TPRG1: variants seen among roughly 807,000 people sequenced by gnomAD.
TPRG1 encodes tumor protein p63 regulated 1, also known as tumor protein p63-regulated gene 1 protein.
TPRG1 carries 29 observed loss-of-function variants against 29.3 expected under a neutral mutation model. The ratio of observed to expected loss-of-function variants is 0.99; its 90% CI spans 0.74 to 1.35. The LOEUF is 1.35. TPRG1 is among the 40% of genes most tolerant of loss of function. The pLI, the probability that TPRG1 is intolerant of heterozygous loss-of-function variation, is 0.00. For synonymous variants in TPRG1, 130 were observed against 116.8 expected, an observed-to-expected ratio of 1.11 and a Z score of -0.73; for missense variants, 327 against 335.0, an observed-to-expected ratio of 0.98 and a Z score of 0.19.
At chr3:189,046,914 A>G (rs1371395764) in intron 4 of TPRG1, among the ~76,000 whole-genome samples, 1 of 152,182 alleles carries the variant, frequency 6.6e-6, no homozygotes, top group African/African-American at 2.4e-5. Flanking sequence ...AACCACCACC[A>G]AAACAAAACA....
rs547727036 is a variant in TPRG1, at chr3:189,232,860, C to T, written c.303-5873C>T. 3.9e-5 allele frequency among the ~76,000 whole-genome samples: 6 copies of T among 152,272 alleles called. No individual in the cohort carries two copies. In the East Asian group the frequency reaches 7.7e-4, roughly 20 times the overall value. ...GGATTAGTTAGCTAAAGGTCTTCCA[C>T]GACTCCACTTAACTCAGAGGGAGAG... On this transcript the variant is annotated intron_variant, in intron 3 of 5. Transcript: ENST00000345063.
chr3:189,060,494 A>G (rs1183725323), intron 4 of TPRG1, among the ~76,000 whole-genome samples: 1 of 152,204 alleles, frequency 6.6e-6, no homozygotes. Context: ...GAAGAGAGGA[A>G]GTAAAACTAT....
chr3:189,079,670 TTTGA>T (rs1717454432), intron 4 of TPRG1, among the ~76,000 whole-genome samples: 2 of 152,316 alleles, frequency 1.3e-5, no homozygotes, highest in East Asian at 1.9e-4. Flanking sequence ...TTCTCTTGGC[TTTGA>T]TTGACACTCT....
intron 4 of TPRG1, among the ~76,000 whole-genome samples, chr3:189,034,114 C>A (rs926856598): frequency 6.6e-6 from 1 of 151,602 alleles, no homozygotes; most frequent in Non-Finnish European, 1.5e-5. Context: ...TTCTAAGCAA[C>A]GAGAAGGAAA....
intron 1 of TPRG1, among the ~76,000 whole-genome samples, chr3:189,206,719 T>C (rs1188904181): frequency 1.3e-5 from 2 of 151,914 alleles, no homozygotes; most frequent in Non-Finnish European, 2.9e-5. Context: ...CAGGCTGGTC[T>C]CAAACTCCTG....
intron 1 of TPRG1, chr3:189,123,518 T>C (rs1722071001): frequency 6.6e-6 from 1 of 152,186 alleles, no homozygotes; most frequent in Non-Finnish European, 1.5e-5. Context: ...TCATTAAATA[T>C]GAAAATTAAA....
intron 4 of TPRG1, among the ~76,000 whole-genome samples, chr3:189,057,461 C>G (rs1715773213): frequency 6.7e-6 from 1 of 149,308 alleles, no homozygotes; most frequent in Non-Finnish European, 1.5e-5. Flanking sequence ...AATAAGGAGA[C>G]ACGTGCAAGA....
intron 3 of TPRG1, among the ~76,000 whole-genome samples, chr3:189,140,580 G>A (rs923983232): frequency 3.3e-5 from 5 of 152,000 alleles, no homozygotes; most frequent in Non-Finnish European, 7.4e-5. Context: ...CTTGCACCCC[G>A]CTGGTGTCCA....
intron 1 of TPRG1, among the ~76,000 whole-genome samples, chr3:189,182,414 A>G (rs1042962996): frequency 2.0e-4 from 30 of 152,242 alleles, no homozygotes; most frequent in African/African-American, 6.8e-4. Flanking sequence ...ATTAAAACAA[A>G]TATCTGACTA....
intron 1 of TPRG1, among the ~76,000 whole-genome samples, chr3:189,179,411 T>C (rs557342305): frequency 6.6e-6 from 1 of 152,310 alleles, no homozygotes; most frequent in African/African-American, 2.4e-5. Flanking sequence ...ATAAACCTTG[T>C]CTTTCAGCCA....
At position 189,238,924 on chromosome 3, in the gene TPRG1, T is replaced by G. The variant is rs1740015520; in HGVS notation, c.479+15T>G. The stretch of plus-strand genomic sequence containing the variant: ...TCCCTGGACAAGTGAGTATATATCT[T>G]ATACTTGAAGAAGTGGTGCAGCAGG... On this transcript the variant is annotated intron_variant, in intron 4 of 5. Coordinates refer to ENST00000345063, the MANE Select transcript of TPRG1 (RefSeq NM_198485.4). The G allele has an allele frequency of 1.3e-6, 2 of 1,579,958 alleles. No individual in the cohort carries two copies. The highest frequency in any genetic ancestry group is 2.7e-5 in the African/African-American group (2 of 74,054).
At chr3:189,304,367 CT>C (rs556432828) in intron 4 of TPRG1, among the ~76,000 whole-genome samples, 78 of 152,278 alleles carry the variant, frequency 5.1e-4, no homozygotes, top group Admixed American at 2.0e-3. Context: ...CACAATGCCC[CT>C]GAATCTTTTT....
chr3:189,280,854 T>C (rs1282055044), intron 4 of TPRG1, among the ~76,000 whole-genome samples: 1 of 152,206 alleles, frequency 6.6e-6, no homozygotes, highest in African/African-American at 2.4e-5. Context: ...CAGTTTTGAT[T>C]GCCTACCCAA....
chr3:189,124,540 T>TTCTGTATG (rs1553907164), intron 1 of TPRG1, among the ~76,000 whole-genome samples: 1 of 149,962 alleles, frequency 6.7e-6, no homozygotes, highest in Admixed American at 6.6e-5. Context: ...ACAAAGGACT[T>TTCTGTATG]TGTGTGTGTG....
chr3:189,000,086 C>A (rs1711956427), intron 1 of TPRG1, among the ~76,000 whole-genome samples: 1 of 151,982 alleles, frequency 6.6e-6, no homozygotes, highest in African/African-American at 2.4e-5. Context: ...AAATTACATT[C>A]TTATTATTTC....
intron 3 of TPRG1, among the ~76,000 whole-genome samples, chr3:189,237,916 G>A (rs1383580570): frequency 1.3e-5 from 2 of 152,130 alleles, no homozygotes; most frequent in Admixed American, 1.3e-4. Flanking sequence ...GTATCCTAAA[G>A]GCTACAGTAG....
intron 1 of TPRG1, among the ~76,000 whole-genome samples, chr3:189,110,967 C>T (rs932282693): frequency 1.3e-5 from 2 of 151,600 alleles, no homozygotes; most frequent in Non-Finnish European, 2.9e-5. Flanking sequence ...ACTGGTTTGA[C>T]TATTACAGCT....
intron 4 of TPRG1, among the ~76,000 whole-genome samples, chr3:189,028,359 A>G (rs1713765680): frequency 6.6e-6 from 1 of 152,260 alleles, no homozygotes; most frequent in African/African-American, 2.4e-5. Context: ...GAAAGGCCAG[A>G]TAAGCCACTG....
intron 4 of TPRG1, among the ~76,000 whole-genome samples, chr3:189,243,997 C>T (rs1465925166): frequency 2.0e-5 from 3 of 152,202 alleles, no homozygotes; most frequent in Non-Finnish European, 2.9e-5. Flanking sequence ...CATTCAACCT[C>T]TGCCTGTTAC....
Sources: gnomAD v4.1 joint callset for allele counts (sites outside exome capture counted in the v4.1 genomes callset) on GRCh38, gnomAD v4.1.1 for gene constraint, MANE v1.5 for transcripts, NCBI Gene and HGNC (gene_info 2026-07-23, HGNC 2026-07-21) for gene names.